APBB2: variants seen among roughly 807,000 people sequenced by gnomAD.
APBB2 encodes the protein amyloid beta precursor protein binding family B member 2.
A neutral mutation model predicts 82.5 loss-of-function variants in APBB2; 38 were observed. The ratio of observed to expected loss-of-function variants is 0.46; its 90% CI spans 0.36 to 0.60. The LOEUF (loss-of-function observed/expected upper bound fraction) is 0.60. APBB2 is among the 20% of genes least tolerant of loss of function. APBB2 has a pLI of 0.00. For missense variants in APBB2, 772 were observed against 972.3 expected (o/e 0.79, Z 2.74); for synonymous variants, 341 against 368.2 (o/e 0.93, Z 0.85).
At chr4:41,202,039 G>A (rs1346870150) in intron 1 of APBB2, among the ~76,000 whole-genome samples, 19 of 152,176 alleles carry the variant, frequency 1.2e-4, no homozygotes, top group Non-Finnish European at 2.8e-4. Flanking sequence ...GTGAGAACAT[G>A]CCCCCAGGAG....
chr4:40,913,399 C>T lies in APBB2; in HGVS notation c.1255-19988G>A, dbSNP rs182461474. 3.2e-4 allele frequency among the ~76,000 whole-genome samples: 49 copies of T among 152,328 alleles called. 1 individual carries two copies. In the East Asian group the frequency reaches 8.3e-3, roughly 26 times the overall value. On this transcript the variant is annotated intron_variant, in intron 10 of 17. Coordinates refer to ENST00000508593, the MANE Select transcript of APBB2 (RefSeq NM_004307.2). ...GAGGCAATTCAGAACTAGTTTGGTACTCTCTACCCTAAAATGTGCCTTTGC... is the reference window on the plus strand; with the variant it reads ...GAGGCAATTCAGAACTAGTTTGGTATTCTCTACCCTAAAATGTGCCTTTGC...
At chr4:41,081,977 G>C (rs1012779855) in intron 3 of APBB2, among the ~76,000 whole-genome samples, 1 of 152,156 alleles carries the variant, frequency 6.6e-6, no homozygotes, top group African/African-American at 2.4e-5. Flanking sequence ...AGTAGGTATA[G>C]AAAGGAAAAA....
chr4:40,948,890 C>CAAAAAAAAAAAAAAAAAA (rs59172492), intron 6 of APBB2, among the ~76,000 whole-genome samples: 12 of 101,576 alleles, frequency 1.2e-4, no homozygotes, highest in African/African-American at 4.9e-4. Flanking sequence ...ATCCTGTCTC[C>CAAAAAAAAAAAAAAAAAA]AAAAAAAAAA....
At chr4:41,200,569 T>G (rs1776450061) in intron 1 of APBB2, among the ~76,000 whole-genome samples, 1 of 152,226 alleles carries the variant, frequency 6.6e-6, no homozygotes, top group African/African-American at 2.4e-5. Context: ...CCTCCGTGAT[T>G]ATCCTGAGCA....
intron 1 of APBB2, among the ~76,000 whole-genome samples, chr4:41,169,192 A>G (rs1178535208): frequency 6.6e-6 from 1 of 151,180 alleles, no homozygotes; most frequent in African/African-American, 2.4e-5. Context: ...TCAAAAAAAA[A>G]AAAAAAAAAA....
At chr4:40,831,857 A>G (rs558323644) in intron 12 of APBB2, among the ~76,000 whole-genome samples, 13 of 152,082 alleles carry the variant, frequency 8.5e-5, no homozygotes, top group Non-Finnish European at 1.5e-4. Flanking sequence ...GGGTGTTCGC[A>G]TTTTTTCTAC....
chr4:40,875,122 T>G (rs6847364), intron 12 of APBB2, among the ~76,000 whole-genome samples: 39,928 of 152,042 alleles, frequency 0.26, 5,848 homozygotes, highest in East Asian at 0.57. Flanking sequence ...ACATGTCACA[T>G]CGTGGGGTTT....
intron 5 of APBB2, among the ~76,000 whole-genome samples, chr4:41,026,640 C>T (rs1714369903): frequency 6.6e-6 from 1 of 152,132 alleles, no homozygotes; most frequent in South Asian, 2.1e-4. Context: ...AAGGTTCATC[C>T]ATGTTGTAGC....
intron 6 of APBB2, among the ~76,000 whole-genome samples, chr4:41,002,612 CT>C (rs2154421471): frequency 6.6e-6 from 1 of 152,318 alleles, no homozygotes; most frequent in African/African-American, 2.4e-5. Context: ...TCTAAAGGGG[CT>C]GCTGCTGACT....
chr4:40,988,114 G>T (rs190550132), intron 6 of APBB2, among the ~76,000 whole-genome samples: 1 of 152,174 alleles, frequency 6.6e-6, no homozygotes, highest in Admixed American at 6.5e-5. Flanking sequence ...TGGTCACCAT[G>T]ACTAAGTGAC....
chr4:41,030,467 A>G (rs1221474721), intron 5 of APBB2, among the ~76,000 whole-genome samples: 1 of 152,156 alleles, frequency 6.6e-6, no homozygotes, highest in Non-Finnish European at 1.5e-5. Context: ...CACAGTCATC[A>G]TGCACTACAG....
intron 2 of APBB2, among the ~76,000 whole-genome samples, chr4:41,134,791 A>C (rs1757117070): frequency 2.0e-5 from 3 of 152,162 alleles, no homozygotes. Context: ...ACCTCTCCCC[A>C]GAAGGGCTTG....
At chr4:41,109,835 A>G (rs1164413216) in intron 2 of APBB2, among the ~76,000 whole-genome samples, 1 of 152,158 alleles carries the variant, frequency 6.6e-6, no homozygotes, top group Non-Finnish European at 1.5e-5. Flanking sequence ...GAAGAATCGG[A>G]TGTTCCAACA....
At chr4:40,898,880 C>CACACACACACACACACACACAG (rs148917018) in intron 10 of APBB2, among the ~76,000 whole-genome samples, 9 of 149,636 alleles carry the variant, frequency 6.0e-5, no homozygotes, top group African/African-American at 2.0e-4. Context: ...CACACACACA[C>CACACACACACACACACACACAG]AGAACACTGG....
chr4:40,868,532 G>A (rs1272691058), intron 12 of APBB2, among the ~76,000 whole-genome samples: 1 of 152,182 alleles, frequency 6.6e-6, no homozygotes, highest in Non-Finnish European at 1.5e-5. Flanking sequence ...AATGTGTCAG[G>A]ATTAGCCAGA....
At chr4:40,881,533 T>TA in intron 12 of APBB2, 5 of 212,154 alleles carry the variant, frequency 2.4e-5, no homozygotes, top group Non-Finnish European at 3.6e-5. Flanking sequence ...CTTTTCTTTT[T>TA]CTTTTTTTTT....
chr4:41,115,217 T>C (rs1175723949), intron 2 of APBB2, among the ~76,000 whole-genome samples: 2 of 152,090 alleles, frequency 1.3e-5, no homozygotes, highest in Non-Finnish European at 2.9e-5. Context: ...AAACAAGCAA[T>C]GGGGAAAGGA....
At chr4:41,118,405 AATG>A (rs1339796411) in intron 2 of APBB2, among the ~76,000 whole-genome samples, 1 of 152,072 alleles carries the variant, frequency 6.6e-6, no homozygotes, top group African/African-American at 2.4e-5. Context: ...TCATCTATAA[AATG>A]ATGATGATAC....
At position 41,083,751 on chromosome 4, in the gene APBB2, G is replaced by T. The variant is rs182538412; in HGVS notation, c.-149+16888C>A. On this transcript the variant is annotated intron_variant, in intron 3 of 17. Transcript: ENST00000508593. ...ATTTATAGGTCCTGTTGTAAAGGTA[G>T]AAGTTTCACAGTAAGTTTCTAACAG... is the stretch of plus-strand genomic sequence containing the variant. Among the ~76,000 whole-genome samples the T allele has an allele frequency of 7.1e-3, 1,006 of 140,890 alleles. 13 individuals carry two copies. Among genetic ancestry groups the T allele is most frequent in the African/African-American group, 0.023 (859 of 38,174 alleles). 92.4% of individuals were successfully genotyped at this position (140,890 alleles called of 152,430 possible). A position where few individuals can be genotyped will look rare whatever the true frequency, so the allele number is the denominator to read the frequency against.
Sources: allele counts gnomAD v4.1 joint callset (sites outside exome capture counted in the v4.1 genomes callset), GRCh38; gene constraint gnomAD v4.1.1; transcripts MANE v1.5; gene names NCBI Gene and HGNC (gene_info 2026-07-23, HGNC 2026-07-21).